ROCK1: variants seen among roughly 807,000 people sequenced by gnomAD.
ROCK1 encodes Rho associated coiled-coil containing protein kinase 1.
A neutral mutation model predicts 196.8 loss-of-function variants in ROCK1; 36 were observed. That is an observed-to-expected ratio of 0.18 (90% confidence interval 0.14 to 0.24). ROCK1 has a LOEUF of 0.24. Among genes scored for constraint, ROCK1 ranks in the 10% least tolerant of loss-of-function variants. ROCK1 has a pLI of 1.00. For synonymous variants in ROCK1, 443 were observed against 515.9 expected, an observed-to-expected ratio of 0.86 and a Z score of 1.91; for missense variants, 920 against 1,562.0, an observed-to-expected ratio of 0.59 and a Z score of 6.93.
At chr18:20,963,501 T>G (rs934833421) in intron 27 of ROCK1, among the ~76,000 whole-genome samples, 2 of 152,140 alleles carry the variant, frequency 1.3e-5, no homozygotes, top group African/African-American at 4.8e-5. Flanking sequence ...AACATTCATA[T>G]ATTCAAATAT....
rs775197401 is a variant in ROCK1, at chr18:21,110,934, C to T, written c.-24G>A. 8 of 1,580,036 alleles carry T rather than the reference C, an allele frequency of 5.1e-6. No homozygotes were observed. In the African/African-American group the frequency reaches 9.4e-5, roughly 19 times the overall value. On this transcript the variant is annotated 5_prime_UTR_variant, in exon 1 of 33. Transcript: ENST00000399799. ...ATGTTGCTGCTGCTGTGACAATGCC[C>T]TCTTACCAGCACCAGCAGCGGAAAG... is the stretch of plus-strand genomic sequence containing the variant.
intron 21 of ROCK1, among the ~76,000 whole-genome samples, chr18:20,981,805 A>C (rs1376479968): frequency 1.3e-5 from 2 of 152,230 alleles, no homozygotes; most frequent in Non-Finnish European, 2.9e-5. Flanking sequence ...ATAATTTCTA[A>C]AATTAATCTA....
At chr18:21,033,231 C>A (rs1242501193) in intron 9 of ROCK1, among the ~76,000 whole-genome samples, 4 of 151,884 alleles carry the variant, frequency 2.6e-5, no homozygotes, top group African/African-American at 4.8e-5. Flanking sequence ...AGAAAAAAAA[C>A]CCATATGATC....
intron 1 of ROCK1, among the ~76,000 whole-genome samples, chr18:21,080,279 T>G (rs1050208984): frequency 1.3e-5 from 2 of 151,866 alleles, no homozygotes; most frequent in Non-Finnish European, 2.9e-5. Context: ...CTGGGAGGAA[T>G]GAAATAAATG....
intron 1 of ROCK1, among the ~76,000 whole-genome samples, chr18:21,099,921 A>T (rs1373418439): frequency 6.6e-6 from 1 of 152,116 alleles, no homozygotes; most frequent in African/African-American, 2.4e-5. Context: ...CTGTAGTCCC[A>T]GCTACTAGGG....
At chr18:21,043,872 CA>C (rs1314749287) in intron 6 of ROCK1, among the ~76,000 whole-genome samples, 1 of 151,888 alleles carries the variant, frequency 6.6e-6, no homozygotes, top group African/African-American at 2.4e-5. Context: ...GTAAATCTGG[CA>C]ATCCATATTT....
At chr18:21,045,768 T>C (rs2036150176) in intron 4 of ROCK1, among the ~76,000 whole-genome samples, 1 of 152,158 alleles carries the variant, frequency 6.6e-6, no homozygotes, top group South Asian at 2.1e-4. Context: ...TCAGTAAATA[T>C]ACAAATCTCC....
intron 13 of ROCK1, among the ~76,000 whole-genome samples, chr18:21,012,598 T>C (rs1401234680): frequency 6.6e-6 from 1 of 152,204 alleles, no homozygotes; most frequent in Non-Finnish European, 1.5e-5. Context: ...CTGACTATTG[T>C]GTCTTGGTGT....
intron 9 of ROCK1, among the ~76,000 whole-genome samples, chr18:21,037,687 T>C (rs768097813): frequency 2.6e-5 from 4 of 152,096 alleles, no homozygotes; most frequent in Non-Finnish European, 4.4e-5. Flanking sequence ...AATAAAACCA[T>C]AGATAATGCA....
At chr18:21,011,314 G>A (rs1249612838) in intron 13 of ROCK1, among the ~76,000 whole-genome samples, 1 of 151,996 alleles carries the variant, frequency 6.6e-6, no homozygotes, top group African/African-American at 2.4e-5. Flanking sequence ...GTTTTTGAAT[G>A]TATCTCCTTG....
chr18:20,980,029 A>G, intron 21 of ROCK1, 25 bp from the exon 22 acceptor site: 1 of 1,511,746 alleles, frequency 6.6e-7, no homozygotes, highest in Non-Finnish European at 8.8e-7. Context: ...ACAAGGAGAA[A>G]TAAGTGTTTA....
chr18:20,969,954 C>G (rs2035411060), intron 23 of ROCK1: 1 of 155,892 alleles, frequency 6.4e-6, no homozygotes, highest in African/African-American at 2.4e-5. Context: ...TATATTATCC[C>G]AAGAATTCCT....
At chr18:21,058,883 T>G (rs1396996214) in intron 2 of ROCK1, among the ~76,000 whole-genome samples, 1 of 152,142 alleles carries the variant, frequency 6.6e-6, no homozygotes, top group Non-Finnish European at 1.5e-5. Flanking sequence ...CCAGCACTGT[T>G]TTAATTAAGA....
At chr18:21,085,076 G>A (rs963937762) in intron 1 of ROCK1, among the ~76,000 whole-genome samples, 5 of 152,156 alleles carry the variant, frequency 3.3e-5, no homozygotes, top group African/African-American at 1.2e-4. Context: ...GTAGAATGGA[G>A]ATTACCATAG....
At chr18:20,987,891 C>CT (rs1194364273) in intron 18 of ROCK1, among the ~76,000 whole-genome samples, 2 of 152,202 alleles carry the variant, frequency 1.3e-5, no homozygotes, top group African/African-American at 2.4e-5. Flanking sequence ...AATCCATCCA[C>CT]TATGTTCTTC....
chr18:21,089,467 C>T (rs980003838), intron 1 of ROCK1, among the ~76,000 whole-genome samples: 1 of 152,210 alleles, frequency 6.6e-6, no homozygotes, highest in African/African-American at 2.4e-5. Flanking sequence ...TCTGCGCCTG[C>T]ATTCAATCTA....
At position 21,091,474 on chromosome 18, in the gene ROCK1, G is replaced by A. The variant is rs113788619; in HGVS notation, c.93+19344C>T. On this transcript the variant is annotated intron_variant, in intron 1 of 32. Transcript: ENST00000399799. ...AAAAATGAGCTAGGTGTGGTGGCAC[G>A]CACCTGTAGTCCCAGCTACTCGGGA... Among the ~76,000 whole-genome samples the A allele has an allele frequency of 7.9e-3, 1,201 of 152,080 alleles. 5 individuals are homozygous for A. Among genetic ancestry groups the A allele is most frequent in the Non-Finnish European group, 0.013 (869 of 67,988 alleles).
At chr18:20,969,853 T>C (rs2035409790) in intron 23 of ROCK1, 2 of 152,242 alleles carry the variant, frequency 1.3e-5, no homozygotes, top group South Asian at 2.1e-4. Flanking sequence ...ATCTAACTCC[T>C]CTTTTTAGTC....
chr18:20,968,682 C>A (rs570496336), intron 25 of ROCK1, 90 bp downstream of exon 25: 562 of 756,090 alleles, frequency 7.4e-4, no homozygotes, highest in Non-Finnish European at 9.9e-4. Context: ...AAAGCTTGAA[C>A]CTTATAAGCC....
Sources: allele counts gnomAD v4.1 joint callset (sites outside exome capture counted in the v4.1 genomes callset), GRCh38; gene constraint gnomAD v4.1.1; transcripts MANE v1.5; gene names NCBI Gene and HGNC (gene_info 2026-07-23, HGNC 2026-07-21).